The following CMIP variants were observed in gnomAD, a reference collection of about 807,000 sequenced individuals.
CMIP encodes C-Maf-inducing protein.
Under a neutral mutation model 97.3 loss-of-function variants are expected in CMIP, and 13 were observed. The observed-to-expected ratio is 0.13, with a 90% CI of 0.09 to 0.21. CMIP has a LOEUF of 0.21. Among genes scored for constraint, CMIP ranks in the 10% least tolerant of loss-of-function variants. The pLI is 1.00. For synonymous variants in CMIP, 538 were observed against 436.3 expected, an observed-to-expected ratio of 1.23 and a Z score of -2.91; for missense variants, 847 against 1,024.9, an observed-to-expected ratio of 0.83 and a Z score of 2.37.
chr16:81,482,967 C>T (rs1243602721), intron 1 of CMIP, among the ~76,000 whole-genome samples: 1 of 152,242 alleles, frequency 6.6e-6, no homozygotes, highest in African/African-American at 2.4e-5. Context: ...GGCACCATTG[C>T]AGGCACGGAG....
intron 3 of CMIP, chr16:81,645,557 C>T (rs1264817494): frequency 1.0e-5 from 16 of 1,535,930 alleles, no homozygotes; most frequent in Non-Finnish European, 1.2e-5. Context: ...TATGTGCTTG[C>T]CTCTGCTGAC....
intron 1 of CMIP, among the ~76,000 whole-genome samples, chr16:81,546,799 G>A (rs889236843): frequency 7.2e-5 from 11 of 152,174 alleles, no homozygotes; most frequent in Admixed American, 5.9e-4. Flanking sequence ...AAGAGTAGCC[G>A]CTGCCATGTA....
At chr16:81,469,925 G>C (rs1196675028) in intron 1 of CMIP, among the ~76,000 whole-genome samples, 2 of 152,156 alleles carry the variant, frequency 1.3e-5, no homozygotes, top group African/African-American at 4.8e-5. Flanking sequence ...CCTGTCTGCT[G>C]CACCCTTGAC....
At chr16:81,589,939 A>G (rs2091441956) in intron 1 of CMIP, among the ~76,000 whole-genome samples, 1 of 152,234 alleles carries the variant, frequency 6.6e-6, no homozygotes, top group African/African-American at 2.4e-5. Flanking sequence ...GTCCCTCAAG[A>G]TCTCAGAGAA....
Position 81,687,733 on chromosome 16 carries a change from C to T in CMIP, c.1389-4042C>T, listed in dbSNP as rs187394382. On this transcript the variant is annotated intron_variant, in intron 10 of 20. Transcript: ENST00000537098. ...CCCATCTGTACTCAGACTGAGACGC[C>T]GGCGAGTTCTCTGGACGCTCCCAGC... 3.9e-5 allele frequency among the ~76,000 whole-genome samples: 6 copies of T among 152,276 alleles called. No homozygotes were observed. In the South Asian group the frequency reaches 8.3e-4, roughly 21 times the overall value.
rs555186144 is a variant in CMIP at position 81,472,476 on chromosome 16, C to T, written c.300+26935C>T. Among the ~76,000 whole-genome samples, 5 of 152,276 alleles carry T rather than the reference C, an allele frequency of 3.3e-5. No homozygotes were observed. In the East Asian group the frequency reaches 9.7e-4, roughly 29 times the overall value. On this transcript the variant is annotated intron_variant, in intron 1 of 20. Transcript: ENST00000537098. ...GAGTGGCCCATCTCCCCAGGGGTCCCCTGGGTCTTGTAGGCACTGATCACA... is the reference window on the plus strand; with the variant it reads ...GAGTGGCCCATCTCCCCAGGGGTCCTCTGGGTCTTGTAGGCACTGATCACA...
intron 1 of CMIP, among the ~76,000 whole-genome samples, chr16:81,471,255 C>T (rs944509330): frequency 6.6e-6 from 1 of 152,096 alleles, no homozygotes; most frequent in Non-Finnish European, 1.5e-5. Flanking sequence ...TACATATACA[C>T]ATACCATATA....
At chr16:81,557,643 T>C (rs2966114) in intron 1 of CMIP, among the ~76,000 whole-genome samples, 51,161 of 152,004 alleles carry the variant, frequency 0.34, 8,905 homozygotes, top group East Asian at 0.52. Flanking sequence ...GGCATGGTGG[T>C]GCACATCTGT....
At chr16:81,457,387 A>T (rs1259931189) in intron 1 of CMIP, among the ~76,000 whole-genome samples, 1 of 152,134 alleles carries the variant, frequency 6.6e-6, no homozygotes, top group African/African-American at 2.4e-5. Flanking sequence ...GAAGAAAAAA[A>T]TCCTCCCAGA....
chr16:81,652,088 TG>T lies in CMIP; in HGVS notation c.478-114del. ...CTTATAAACGGGGACTGGGCCAAGT[TG>T]TCAGTTTCTCAGGGCCCTTTACACC... On this transcript the variant is annotated intron_variant, in intron 3 of 20. Transcript: ENST00000537098. The surrounding 1 kb of genome is among the most constrained non-coding windows in gnomAD (Gnocchi z 5.2). 1.3e-6 allele frequency: 1 copy of T among 763,598 alleles called. No individual in the cohort carries two copies. The highest frequency in any genetic ancestry group is 2.1e-6 in the Non-Finnish European group (1 of 470,658). The allele number at this position is 763,598 out of a possible 1,614,324, so 47.3% of individuals were successfully genotyped here. A position where few individuals can be genotyped will look rare whatever the true frequency, so the allele number is the denominator to read the frequency against.
rs141717317 is a variant in CMIP, at chr16:81,598,968, C to CAAAAAAA, written c.301-8583_301-8577dup. On this transcript the variant is annotated intron_variant, in intron 1 of 20. Coordinates refer to ENST00000537098, the MANE Select transcript of CMIP (RefSeq NM_198390.3). ...TGAGTGACAGAGCAAGACTCTGTCT[C>CAAAAAAA]AAAAAAAAAAAAAAAAAAAAAAGAG... Among the ~76,000 whole-genome samples the CAAAAAAA allele has an allele frequency of 6.5e-3, 325 of 49,804 alleles. 6 individuals are homozygous for CAAAAAAA. Among genetic ancestry groups the CAAAAAAA allele is most frequent in the Non-Finnish European group, 8.5e-3 (218 of 25,572 alleles). 32.7% of individuals were successfully genotyped at this position (49,804 alleles called of 152,430 possible). A position where few individuals can be genotyped will look rare whatever the true frequency, so the allele number is the denominator to read the frequency against.
chr16:81,685,651 C>G (rs976745831), intron 10 of CMIP, among the ~76,000 whole-genome samples: 1 of 151,984 alleles, frequency 6.6e-6, no homozygotes, highest in Admixed American at 6.6e-5. Flanking sequence ...CTCAAAGAAT[C>G]CTCCCACCTC....
intron 1 of CMIP, among the ~76,000 whole-genome samples, chr16:81,458,417 G>T (rs759500009): frequency 6.6e-6 from 1 of 152,168 alleles, no homozygotes; most frequent in Non-Finnish European, 1.5e-5. Context: ...TGGTAAGCAG[G>T]GCACCCTCTC....
intron 1 of CMIP, among the ~76,000 whole-genome samples, chr16:81,550,471 C>G (rs1485216976): frequency 6.6e-6 from 1 of 152,138 alleles, no homozygotes; most frequent in African/African-American, 2.4e-5. Context: ...CTGCTCATGC[C>G]CCCCTCCCAC....
At position 81,655,829 on chromosome 16, in the gene CMIP, C is replaced by T. The variant is rs1438068540; in HGVS notation, c.640-1946C>T. ...CCTGCGCCTGCTAGTCACTGCATCC[C>T]GTCAGTCTTAGGCAGCTGATCAGTC... On this transcript the variant is annotated intron_variant, in intron 4 of 20. Transcript: ENST00000537098. This position sits in a 1 kb window ranked among gnomAD's most constrained non-coding sequence, Gnocchi z 4.9. Among the ~76,000 whole-genome samples, 4 of 152,130 alleles carry T rather than the reference C, an allele frequency of 2.6e-5. No individual in the cohort carries two copies. Among genetic ancestry groups the T allele is most frequent in the South Asian group, 2.1e-4 (1 of 4,822 alleles).
intron 13 of CMIP, 125 bp from the exon 14 acceptor site, chr16:81,696,435 A>T: frequency 1.1e-6 from 1 of 932,710 alleles, no homozygotes; most frequent in Non-Finnish European, 1.6e-6. Flanking sequence ...GGAGGAAACA[A>T]AGTTAAGCGG....
At chr16:81,630,119 G>A (rs2092134627) in intron 3 of CMIP, 1 of 152,240 alleles carries the variant, frequency 6.6e-6, no homozygotes, top group Non-Finnish European at 1.5e-5. Context: ...TCGTCTCTGG[G>A]CCTCTTGAGT....
In CMIP at chr16:81,638,547, C is replaced by T. The variant is rs368481026; in HGVS notation, c.478-13656C>T. On this transcript the variant is annotated intron_variant, in intron 3 of 20. Coordinates refer to ENST00000537098, the MANE Select transcript of CMIP (RefSeq NM_198390.3). ...CCAGAGCATAACACGCCCGAGGCGA[C>T]GCTCCTTATTGTCCCTTCTGTCACC... 9.0e-4 allele frequency among the ~76,000 whole-genome samples: 137 copies of T among 152,190 alleles called. 1 individual carries two copies. Among genetic ancestry groups the T allele is most frequent in the African/African-American group, 2.6e-3 (110 of 41,514 alleles).
intron 1 of CMIP, among the ~76,000 whole-genome samples, chr16:81,503,724 T>C (rs888473326): frequency 6.6e-6 from 1 of 152,222 alleles, no homozygotes; most frequent in African/African-American, 2.4e-5. Context: ...GCCAGTCTGG[T>C]CACCTTATCT....
Sources: gnomAD v4.1 joint callset for allele counts (sites outside exome capture counted in the v4.1 genomes callset) on GRCh38, gnomAD v4.1.1 for gene constraint, Gnocchi (gnomAD v3.1) non-coding constraint, MANE v1.5 for transcripts, NCBI Gene and HGNC (gene_info 2026-07-23, HGNC 2026-07-21) for gene names.